Variants in API5 observed in about 807,000 individuals in gnomAD.
The protein encoded by API5 is FIF.
Under a neutral mutation model 71.9 loss-of-function variants are expected in API5, and 6 were observed. The ratio of observed to expected loss-of-function variants is 0.08; its 90% CI spans 0.05 to 0.16. API5 has a LOEUF of 0.16. Ranked by LOEUF, API5 falls within the 10% of genes least tolerant of loss-of-function variation. The probability of loss-of-function intolerance (pLI) is 1.00; values close to 1 mark genes in which losing one functional copy is unlikely to be tolerated. For missense variants in API5, 332 were observed against 612.8 expected (o/e 0.54, Z 4.84); for synonymous variants, 189 against 221.3 (o/e 0.85, Z 1.30).
At position 43,327,876 on chromosome 11, in the gene API5, T is replaced by C. The variant is rs768358465; in HGVS notation, c.943T>C (p.Leu315=). Residue 315 remains leucine (L), a splice_region_variant and synonymous_variant, in exon 8 of 14, where the codon TTG becomes CTG. Coordinates refer to ENST00000531273, the MANE Select transcript of API5 (RefSeq NM_001142930.2). Reference sequence around the variant, plus strand: ...TTTAAGGAAACTATTTGATAAGTTATTGGTAAGAACTTTTTCCTTTCCTTA... The same window carrying C: ...TTTAAGGAAACTATTTGATAAGTTACTGGTAAGAACTTTTTCCTTTCCTTA... ...TNLRKLFDKL[L]EYMPLPPEEA... is the part of the protein sequence containing the mutation. The C allele has an allele frequency of 1.2e-6, 2 of 1,606,866 alleles. No homozygotes were observed. Among genetic ancestry groups the C allele is most frequent in the Non-Finnish European group, 8.5e-7 (1 of 1,174,752 alleles).
intron 8 of API5, among the ~76,000 whole-genome samples, chr11:43,328,390 AGTT>A (rs1855144335): frequency 6.6e-6 from 1 of 152,216 alleles, no homozygotes; most frequent in Non-Finnish European, 1.5e-5. Flanking sequence ...CTGACTCTTT[AGTT>A]TATTAACTTT....
At chr11:43,319,688 C>G (rs552456180) in intron 2 of API5, among the ~76,000 whole-genome samples, 4 of 152,192 alleles carry the variant, frequency 2.6e-5, no homozygotes, top group African/African-American at 9.7e-5. Flanking sequence ...ATTGGGATTA[C>G]AGGCGTGAGC....
chr11:43,333,043 G>C (rs1322157762), intron 11 of API5, among the ~76,000 whole-genome samples: 2 of 152,128 alleles, frequency 1.3e-5, no homozygotes, highest in Non-Finnish European at 2.9e-5. Context: ...AAATGTTTTA[G>C]CAAAAGATAT....
chr11:43,321,309 T>C lies in API5; in HGVS notation c.326-102T>C, dbSNP rs1854882430. On this transcript the variant is annotated intron_variant, in intron 3 of 13. Transcript: ENST00000531273. ...AATGGCTTAAGTTATAAGTTTCCTG[T>C]CAATGTAACCTTGAGAAACTAAGTT... The C allele has an allele frequency of 1.0e-5, 10 of 962,916 alleles. No individual in the cohort carries two copies. The South Asian group carries it at 1.5e-4, about 14-fold the overall frequency. 59.6% of individuals were successfully genotyped at this position (962,916 alleles called of 1,614,324 possible). A position where few individuals can be genotyped will look rare whatever the true frequency, so the allele number is the denominator to read the frequency against.
chr11:43,312,255 C>CT, intron 1 of API5, 59 bp downstream of exon 1: 6 of 1,556,048 alleles, frequency 3.9e-6, no homozygotes, highest in Non-Finnish European at 5.3e-6. Context: ...TTCGAAAGCG[C>CT]TTCCCGCCGC....
At chr11:43,326,813 A>G (rs1855092356) in intron 7 of API5, among the ~76,000 whole-genome samples, 2 of 152,228 alleles carry the variant, frequency 1.3e-5, no homozygotes. Context: ...GGAAAGCCTT[A>G]CCTGTAGTTT....
intron 1 of API5, among the ~76,000 whole-genome samples, chr11:43,318,009 T>TTTC (rs1565100722): frequency 5.8e-5 from 8 of 138,134 alleles, no homozygotes; most frequent in Non-Finnish European, 1.1e-4. Flanking sequence ...TTGTTTGTTT[T>TTTC]GTTTTGTTTT....
chr11:43,333,711 A>G (rs548541388), intron 11 of API5, among the ~76,000 whole-genome samples: 1 of 152,308 alleles, frequency 6.6e-6, no homozygotes, highest in Non-Finnish European at 1.5e-5. Context: ...AAGAGGTAAC[A>G]GTCACAGTGG....
chr11:43,318,341 A>G (rs1454782058), intron 1 of API5: 10 of 1,282,234 alleles, frequency 7.8e-6, no homozygotes, highest in Non-Finnish European at 1.1e-5. Flanking sequence ...ATACAGTCAC[A>G]TGGCCAGAGT....
At chr11:43,333,662 C>T (rs1855333382) in intron 11 of API5, among the ~76,000 whole-genome samples, 1 of 152,100 alleles carries the variant, frequency 6.6e-6, no homozygotes, top group Non-Finnish European at 1.5e-5. Flanking sequence ...TGATTGGCTA[C>T]TATTGATTAC....
At chr11:43,318,432 T>C in intron 1 of API5, 1 of 1,533,734 alleles carries the variant, frequency 6.5e-7, no homozygotes, top group Non-Finnish European at 8.7e-7. Flanking sequence ...CTCATCCATC[T>C]CCCCCAACTC....
chr11:43,324,776 C>G (rs1039859235), intron 6 of API5, among the ~76,000 whole-genome samples: 2 of 152,094 alleles, frequency 1.3e-5, no homozygotes, highest in Admixed American at 6.6e-5. Context: ...CTCCCAGATT[C>G]AAGCAATTCT....
Position 43,330,498 on chromosome 11 carries a change from C to G in API5, c.1222-10C>G. ...TGGCAATTTGTCTTAATTTTCCTTT[C>G]CCTTTGTAGAACAAGATTAAAGTCG... is the stretch of plus-strand genomic sequence containing the variant. On this transcript the variant is annotated splice_polypyrimidine_tract_variant and intron_variant, in intron 10 of 13. Coordinates refer to ENST00000531273, the MANE Select transcript of API5 (RefSeq NM_001142930.2). The G allele has an allele frequency of 6.3e-7, 1 of 1,578,820 alleles. No homozygotes were observed. Among genetic ancestry groups the G allele is most frequent in the Non-Finnish European group, 8.7e-7 (1 of 1,148,646 alleles).
Position 43,318,646 on chromosome 11 carries a change from G to A in API5, c.76G>A (p.Asp26Asn). The A allele has an allele frequency of 3.1e-6, 5 of 1,612,562 alleles. No homozygotes were observed. Among genetic ancestry groups the A allele is most frequent in the Non-Finnish European group, 4.2e-6 (5 of 1,179,628 alleles). The change falls in exon 2 of 14, where the codon GAT becomes AAT. Residue 26 changes from aspartate (D) to asparagine (N), a missense_variant. By Grantham distance (23) the Asp-to-Asn change is conservative (BLOSUM62 1). Around this residue, in one of 3 missense-constraint regions of API5, gnomAD observed 127 missense variants for 237.6 expected, o/e 0.53. Coordinates refer to ENST00000531273, the MANE Select transcript of API5 (RefSeq NM_001142930.2). The part of the protein sequence containing the change: ...DATEQVGQHK[D>N]AYQVILDGVK... ...GCTTTATTTTTTATTTCAGCATAAA[G>A]ATGCCTATCAAGTGATATTGGATGG...
In API5 at chr11:43,343,850, C is replaced by G. The variant is rs1855699911; in HGVS notation, c.*1340C>G. 1 of 152,642 alleles carries G rather than the reference C, an allele frequency of 6.6e-6. No individual in the cohort carries two copies. Among genetic ancestry groups the G allele is most frequent in the African/African-American group, 2.4e-5 (1 of 41,448 alleles). The allele number at this position is 152,642 out of a possible 1,614,324, so 9.5% of individuals were successfully genotyped here. A position where few individuals can be genotyped will look rare whatever the true frequency, so the allele number is the denominator to read the frequency against. On this transcript the variant is annotated 3_prime_UTR_variant, in exon 14 of 14. Coordinates refer to ENST00000531273, the MANE Select transcript of API5 (RefSeq NM_001142930.2). Reference sequence around the variant, plus strand: ...CAAATCAACTGCCTGAATGACATTTCTAGTAGTCTGATGTATTTTTCTGAG... The same window carrying G: ...CAAATCAACTGCCTGAATGACATTTGTAGTAGTCTGATGTATTTTTCTGAG...
At chr11:43,335,088 T>C (rs1467344344) in intron 11 of API5, among the ~76,000 whole-genome samples, 190 bp from the exon 12 acceptor site, 1 of 152,252 alleles carries the variant, frequency 6.6e-6, no homozygotes, top group Non-Finnish European at 1.5e-5. Context: ...GTTTGTTATG[T>C]GCACAAAATT....
chr11:43,316,212 T>C (rs1462437695), intron 1 of API5, among the ~76,000 whole-genome samples: 1 of 152,236 alleles, frequency 6.6e-6, no homozygotes, highest in African/African-American at 2.4e-5. Flanking sequence ...TTCACTTCTC[T>C]GAGCCCTAGT....
At chr11:43,334,491 GATTTTTTATTAGT>G (rs1445716993) in intron 11 of API5, among the ~76,000 whole-genome samples, 1 of 151,972 alleles carries the variant, frequency 6.6e-6, no homozygotes, top group Non-Finnish European at 1.5e-5. Context: ...TACCAGGGAC[GATTTTTTATTAGT>G]ATACTCATTT....
Position 43,342,648 on chromosome 11 carries a change from G to A in API5, c.*138G>A, listed in dbSNP as rs1262042433. The A allele has an allele frequency of 2.3e-6, 2 of 852,716 alleles. No homozygotes were observed. Among genetic ancestry groups the A allele is most frequent in the East Asian group, 2.6e-5 (1 of 37,896 alleles). The allele number at this position is 852,716 out of a possible 1,614,324, so 52.8% of individuals were successfully genotyped here. On this transcript the variant is annotated 3_prime_UTR_variant, in exon 14 of 14. Coordinates refer to ENST00000531273, the MANE Select transcript of API5 (RefSeq NM_001142930.2). The stretch of plus-strand genomic sequence containing the variant: ...CTTAATGTTCTTTATACCTTTGTAT[G>A]TATGACCTACTTTTGTAACAGACCA...
Sources: gnomAD v4.1 joint callset for allele counts (sites outside exome capture counted in the v4.1 genomes callset) on GRCh38, gnomAD v4.1.1 for gene constraint, gnomAD v4.1.1 regional missense constraint, MANE v1.5 for transcripts, NCBI Gene and HGNC (gene_info 2026-07-23, HGNC 2026-07-21) for gene names.